The following STPG2 variants were observed in gnomAD, a reference collection of about 807,000 sequenced individuals.
STPG2 encodes sperm-tail PG-rich repeat-containing protein 2.
A neutral mutation model predicts 54.2 loss-of-function variants in STPG2; 56 were observed. The ratio of observed to expected loss-of-function variants is 1.03; its 90% CI spans 0.83 to 1.29. The LOEUF is 1.29. Among genes scored for constraint, STPG2 ranks in the 50% most tolerant of loss-of-function variants. STPG2 has a pLI of 0.00. For missense variants in STPG2, 596 were observed against 544.9 expected (o/e 1.09, Z -0.93); for synonymous variants, 200 against 181.8 (o/e 1.10, Z -0.81).
chr4:97,882,128 T>C (rs541129327), intron 8 of STPG2, among the ~76,000 whole-genome samples: 1 of 152,242 alleles, frequency 6.6e-6, no homozygotes, highest in South Asian at 2.1e-4. Flanking sequence ...TGAGAAATTT[T>C]CAGTGGGTTG....
At chr4:97,620,939 T>C (rs1323868758) in intron 10 of STPG2, among the ~76,000 whole-genome samples, 1 of 152,134 alleles carries the variant, frequency 6.6e-6, no homozygotes, top group Non-Finnish European at 1.5e-5. Context: ...AGCATACTCA[T>C]AGACCACAGT....
At chr4:97,836,262 C>T (rs1728627191) in intron 9 of STPG2, among the ~76,000 whole-genome samples, 1 of 151,778 alleles carries the variant, frequency 6.6e-6, no homozygotes, top group African/African-American at 2.4e-5. Context: ...CAGAGCCACC[C>T]CAACCTTTAG....
chr4:98,134,451 C>G lies in STPG2; in HGVS notation c.118G>C (p.Ala40Pro). ...FLKQQATGSNAPFLSLTARES... is the reference protein window; with the variant it reads ...FLKQQATGSNPPFLSLTARES... The stretch of plus-strand genomic sequence containing the variant: ...CTGGCAGTCAAAGAAAGAAATGGTG[C>G]ATTACTACCTATAAAAATAAAATCA... The change falls in exon 2 of 11, where the codon GCA becomes CCA. Residue 40 changes from alanine to proline, a missense_variant. Ala to Pro is a conservative substitution (Grantham distance 27). Transcript: ENST00000295268. 6.4e-7 allele frequency: 1 copy of G among 1,563,220 alleles called. No individual in the cohort carries two copies. The highest frequency in any genetic ancestry group is 8.7e-7 in the Non-Finnish European group (1 of 1,151,222).
At chr4:97,453,304 C>T (rs1183415379) in intron 4 of STPG2, among the ~76,000 whole-genome samples, 2 of 152,224 alleles carry the variant, frequency 1.3e-5, no homozygotes, top group African/African-American at 4.8e-5. Flanking sequence ...CCTGCTACAG[C>T]AGCCAGTATG....
In STPG2 at chr4:97,843,541, T is replaced by C. The variant is rs532065523; in HGVS notation, c.1045-2609A>G. On this transcript the variant is annotated intron_variant, in intron 8 of 10. Coordinates refer to ENST00000295268, the MANE Select transcript of STPG2 (RefSeq NM_174952.3). ...ATTGCCATTGGCATTAATATCTTTATTGGGTATAGGACTTACGAACCCCTC... is the reference window on the plus strand; with the variant it reads ...ATTGCCATTGGCATTAATATCTTTACTGGGTATAGGACTTACGAACCCCTC... 9.2e-5 allele frequency among the ~76,000 whole-genome samples: 14 copies of C among 152,044 alleles called. No individual in the cohort carries two copies. The South Asian group carries it at 2.7e-3, about 29-fold the overall frequency.
At chr4:97,740,616 C>T (rs1436633087) in intron 9 of STPG2, among the ~76,000 whole-genome samples, 4 of 152,110 alleles carry the variant, frequency 2.6e-5, no homozygotes, top group Admixed American at 6.6e-5. Flanking sequence ...TTCACAATTT[C>T]TTCAAAGAGA....
chr4:97,854,867 C>A (rs1462192195), intron 8 of STPG2, among the ~76,000 whole-genome samples: 1 of 152,044 alleles, frequency 6.6e-6, no homozygotes, highest in African/African-American at 2.4e-5. Context: ...AGCCCAGTAT[C>A]CATTAGCTAT....
intron 10 of STPG2, among the ~76,000 whole-genome samples, chr4:97,601,056 TG>T (rs1733446587): frequency 6.6e-6 from 1 of 151,600 alleles, no homozygotes; most frequent in Non-Finnish European, 1.5e-5. Context: ...GGGATAGGAG[TG>T]GGATGGATGA....
chr4:97,593,128 G>T (rs1180900235), intron 10 of STPG2, among the ~76,000 whole-genome samples: 1 of 152,114 alleles, frequency 6.6e-6, no homozygotes, highest in Non-Finnish European at 1.5e-5. Flanking sequence ...AGCCTCAGAT[G>T]CCCAACTAGG....
chr4:97,931,736 C>G (rs1578703793), intron 8 of STPG2, among the ~76,000 whole-genome samples: 2 of 151,858 alleles, frequency 1.3e-5, no homozygotes, highest in Admixed American at 6.6e-5. Flanking sequence ...GTTTTGGCAT[C>G]AAGATAATCC....
intron 10 of STPG2, among the ~76,000 whole-genome samples, chr4:97,705,049 A>G (rs971806229): frequency 3.9e-5 from 6 of 152,140 alleles, no homozygotes; most frequent in African/African-American, 1.2e-4. Context: ...TGGTGTCTAT[A>G]GCTCAGAGGA....
intron 4 of STPG2, among the ~76,000 whole-genome samples, chr4:97,536,623 G>C (rs1731537781): frequency 1.3e-5 from 2 of 152,170 alleles, no homozygotes; most frequent in South Asian, 2.1e-4. Context: ...CCCAAACTAG[G>C]TGGGTGTCAG....
intron 9 of STPG2, among the ~76,000 whole-genome samples, chr4:97,830,625 G>C (rs1015761728): frequency 6.6e-6 from 1 of 152,082 alleles, no homozygotes; most frequent in Non-Finnish European, 1.5e-5. Context: ...GTATTCAGGA[G>C]ACCCATCTCA....
intron 7 of STPG2, among the ~76,000 whole-genome samples, chr4:97,949,199 A>C (rs1733367289): frequency 6.6e-6 from 1 of 152,018 alleles, no homozygotes; most frequent in African/African-American, 2.4e-5. Context: ...TGTTGCTTTA[A>C]AGTTTGTTGT....
At position 97,928,803 on chromosome 4, in the gene STPG2, G is replaced by A. The variant is rs150266576; in HGVS notation, c.1044+15094C>T. ...AATCTCTTTATTATTTTATATTAAG[G>A]TTTATAAAGTTTATATTCTGTCTTA... On this transcript the variant is annotated intron_variant, in intron 8 of 10. Transcript: ENST00000295268. Among the ~76,000 whole-genome samples, 1,174 of 152,030 alleles carry A rather than the reference G, an allele frequency of 7.7e-3. 24 individuals are homozygous for A. Among genetic ancestry groups the A allele is most frequent in the East Asian group, 0.052 (267 of 5,178 alleles).
At chr4:97,579,647 T>G (rs1387916651) in intron 10 of STPG2, among the ~76,000 whole-genome samples, 2 of 152,088 alleles carry the variant, frequency 1.3e-5, no homozygotes, top group Non-Finnish European at 2.9e-5. Flanking sequence ...AACAAACTTT[T>G]AATTCATCTA....
chr4:97,786,937 G>A (rs1726845009), intron 9 of STPG2, among the ~76,000 whole-genome samples: 1 of 152,004 alleles, frequency 6.6e-6, no homozygotes, highest in Admixed American at 6.6e-5. Context: ...GTATCTATAG[G>A]AAAAAACATA....
intron 9 of STPG2, among the ~76,000 whole-genome samples, chr4:97,834,036 C>A (rs1482840209): frequency 6.6e-6 from 1 of 152,072 alleles, no homozygotes; most frequent in Admixed American, 6.6e-5. Flanking sequence ...ATAAATCATT[C>A]TACTATAAAG....
At chr4:97,939,974 G>C (rs1442846862) in intron 8 of STPG2, among the ~76,000 whole-genome samples, 2 of 152,248 alleles carry the variant, frequency 1.3e-5, no homozygotes, top group South Asian at 2.1e-4. Flanking sequence ...CTTCTTTCAA[G>C]ATCTCTTGTA....
Sources: allele counts gnomAD v4.1 joint callset (sites outside exome capture counted in the v4.1 genomes callset), GRCh38; gene constraint gnomAD v4.1.1; transcripts MANE v1.5; gene names NCBI Gene and HGNC (gene_info 2026-07-23, HGNC 2026-07-21).